The following SDAD1 variants were observed in gnomAD, a reference collection of about 807,000 sequenced individuals.
SDAD1 encodes protein SDA1 homolog.
A neutral mutation model predicts 100.3 loss-of-function variants in SDAD1; 79 were observed. The observed-to-expected ratio is 0.79, with a 90% CI of 0.66 to 0.95. The LOEUF is 0.95. SDAD1 is among the 40% of genes least tolerant of loss of function. The pLI is 0.00. For synonymous variants in SDAD1, 267 were observed against 271.4 expected (o/e 0.98, Z 0.16); for missense variants, 790 against 810.9 (o/e 0.97, Z 0.31).
chr4:75,972,681 A>G (rs917434141), intron 8 of SDAD1, among the ~76,000 whole-genome samples: 1 of 150,232 alleles, frequency 6.7e-6, no homozygotes, highest in African/African-American at 2.4e-5. Context: ...TCTTATTTTA[A>G]TATTTTATGC....
rs755580971 is a variant in SDAD1 at position 75,990,699 on chromosome 4, C to T, written c.90+53G>A. Reference sequence around the variant, plus strand: ...CCCACTCCATGCTTTCCCGCACCGGCGTCTCAACCATCCACTATCCGGCCT... The same window carrying T: ...CCCACTCCATGCTTTCCCGCACCGGTGTCTCAACCATCCACTATCCGGCCT... On this transcript the variant is annotated intron_variant, in intron 1 of 21. Coordinates refer to ENST00000356260, the MANE Select transcript of SDAD1 (RefSeq NM_018115.4). 22 of 1,611,090 alleles carry T rather than the reference C, an allele frequency of 1.4e-5. No individual in the cohort carries two copies. In the East Asian group the frequency reaches 4.2e-4, roughly 31 times the overall value.
At chr4:75,966,643 G>A (rs10856871) in intron 12 of SDAD1, among the ~76,000 whole-genome samples, 121,747 of 152,176 alleles carry the variant, frequency 0.8, 51,304 homozygotes, top group East Asian at 0.94. Flanking sequence ...TGTGAGCAGT[G>A]AGATCAAATC....
At chr4:75,989,528 T>G (rs542031940) in intron 1 of SDAD1, among the ~76,000 whole-genome samples, 2 of 152,238 alleles carry the variant, frequency 1.3e-5, no homozygotes, top group Admixed American at 1.3e-4. Context: ...TATACTTAAG[T>G]GAATTAAAGA....
At chr4:75,961,639 T>C (rs1190858718) in intron 14 of SDAD1, among the ~76,000 whole-genome samples, 2 of 152,216 alleles carry the variant, frequency 1.3e-5, no homozygotes, top group African/African-American at 2.4e-5. Flanking sequence ...TCCTGCAATA[T>C]TTTCCAAGGA....
chr4:75,960,098 A>G lies in SDAD1; in HGVS notation c.1451T>C (p.Val484Ala). The G allele has an allele frequency of 6.2e-7, 1 of 1,610,250 alleles. No individual in the cohort carries two copies. Among genetic ancestry groups the G allele is most frequent in the Non-Finnish European group, 8.5e-7 (1 of 1,179,366 alleles). ...DYIPGAEVLEVEKEENAENDE... is the reference protein window; with the variant it reads ...DYIPGAEVLEAEKEENAENDE... ...ATTTTCAGCATTCTCTTCTTTCTCAACTTCCAGAACTTCTGCTCCTGGAAT... is the reference window on the plus strand; with the variant it reads ...ATTTTCAGCATTCTCTTCTTTCTCAGCTTCCAGAACTTCTGCTCCTGGAAT... Residue 484 changes from valine (V) to alanine (A), a missense_variant, in exon 17 of 22, where the codon GTT becomes GCT. Physicochemically the swap from Val to Ala is moderately conservative, Grantham distance 64. Transcript: ENST00000356260.
rs199503756 is a variant in SDAD1, at chr4:75,969,393, G to A, written c.890C>T (p.Ala297Val). 7.3e-5 allele frequency: 118 copies of A among 1,610,710 alleles called. No homozygotes were observed. In the African/African-American group the frequency reaches 1.1e-3, roughly 15 times the overall value. The stretch of plus-strand genomic sequence containing the variant: ...CTCAAGCTGCTTTAGTAGTTTTTCC[G>A]CAAAATCTGGCAAGGAGAGGATGAA... Reference protein sequence around the residue: ...IHLIHDPQDFAEKLLKQLECC... With the variant: ...IHLIHDPQDFVEKLLKQLECC... The change falls in exon 11 of 22, where the codon GCG (alanine) becomes GTG (valine). Residue 297 changes from alanine (A) to valine (V), a missense_variant. Transcript: ENST00000356260.
chr4:75,981,489 T>C lies in SDAD1; in HGVS notation c.196-19A>G. On this transcript the variant is annotated intron_variant, in intron 2 of 21. Transcript: ENST00000356260. ...GACTAATCTGTAACAAAGCAAAGGC[T>C]CTTCTGAAGTTGCTCTCTTTCTCTC... The C allele has an allele frequency of 6.2e-7, 1 of 1,613,504 alleles. No individual in the cohort carries two copies. Among genetic ancestry groups the C allele is most frequent in the Admixed American group, 1.7e-5 (1 of 60,024 alleles).
At chr4:75,968,780 C>T (rs2149318680) in intron 11 of SDAD1, among the ~76,000 whole-genome samples, 1 of 152,002 alleles carries the variant, frequency 6.6e-6, no homozygotes, top group East Asian at 1.9e-4. Flanking sequence ...GCCTATAATC[C>T]CAGCACTTTG....
intron 9 of SDAD1, 29 bp downstream of exon 9, chr4:75,971,328 C>T: frequency 6.8e-7 from 1 of 1,460,504 alleles, no homozygotes; most frequent in South Asian, 1.1e-5. Flanking sequence ...CTAATCACTC[C>T]TATCTCATTT....
chr4:75,990,068 T>C (rs1731149835), intron 1 of SDAD1, among the ~76,000 whole-genome samples: 1 of 152,226 alleles, frequency 6.6e-6, no homozygotes, highest in East Asian at 1.9e-4. Context: ...ACTTTCGTTT[T>C]GTCGGTACTT....
intron 3 of SDAD1, 51 bp downstream of exon 3, chr4:75,981,321 C>T (rs375051993): frequency 1.9e-5 from 28 of 1,512,864 alleles, no homozygotes; most frequent in South Asian, 6.8e-5. Flanking sequence ...TATATATGAA[C>T]GCAGCACACA....
intron 3 of SDAD1, among the ~76,000 whole-genome samples, chr4:75,979,835 T>A (rs1421014378): frequency 6.6e-6 from 1 of 151,624 alleles, no homozygotes; most frequent in Non-Finnish European, 1.5e-5. Flanking sequence ...TTTTTCCATT[T>A]AAAAAAAAAT....
intron 2 of SDAD1, 146 bp from the exon 3 acceptor site, chr4:75,981,616 C>T: frequency 7.4e-7 from 1 of 1,356,828 alleles, no homozygotes; most frequent in Non-Finnish European, 1.0e-6. Context: ...TTTCCTTCTA[C>T]ATGTTAATTT....
At position 75,964,192 on chromosome 4, in the gene SDAD1, A is replaced by G. The variant is rs1209199791; in HGVS notation, c.1124T>C (p.Met375Thr). Residue 375 changes from methionine to threonine, a missense_variant, in exon 14 of 22, where the codon ATG (methionine) becomes ACG (threonine). Transcript: ENST00000356260. ...VPPEIIQSLL[M>T]TVANNFVTDK... Reference sequence around the variant, plus strand: ...GGTAACAAAATTGTTTGCCACAGTCATAAGCAATGATTGAATAATCTGAAT... The same window carrying G: ...GGTAACAAAATTGTTTGCCACAGTCGTAAGCAATGATTGAATAATCTGAAT... 4.4e-6 allele frequency: 7 copies of G among 1,607,806 alleles called. No individual in the cohort carries two copies. In the South Asian group the frequency reaches 5.6e-5, roughly 13 times the overall value.
chr4:75,960,439 G>C (rs1381205241), intron 16 of SDAD1, among the ~76,000 whole-genome samples: 3 of 151,984 alleles, frequency 2.0e-5, no homozygotes, highest in African/African-American at 7.3e-5. Flanking sequence ...ACCACACCCA[G>C]CTAACAAAAT....
At chr4:75,984,822 T>A (rs1730791672) in intron 1 of SDAD1, among the ~76,000 whole-genome samples, 1 of 106,350 alleles carries the variant, frequency 9.4e-6, no homozygotes, top group African/African-American at 3.4e-5. Flanking sequence ...CTCTTTCTCA[T>A]CATCCCTACC....
intron 16 of SDAD1, 21 bp downstream of exon 16, chr4:75,961,007 A>T (rs779226995): frequency 6.2e-7 from 1 of 1,605,440 alleles, no homozygotes. Context: ...CTTTAGACCA[A>T]CATAAGTGTG....
chr4:75,990,330 G>A (rs978252838), intron 1 of SDAD1, among the ~76,000 whole-genome samples: 1 of 147,914 alleles, frequency 6.8e-6, no homozygotes, highest in Non-Finnish European at 1.5e-5. Flanking sequence ...TCTCAGAAAC[G>A]GACGTCAATC....
intron 14 of SDAD1, among the ~76,000 whole-genome samples, chr4:75,963,712 G>C (rs1729380963): frequency 6.6e-6 from 1 of 152,014 alleles, no homozygotes; most frequent in South Asian, 2.1e-4. Flanking sequence ...TCTTCCCCTT[G>C]TGCCTTCTGC....
Sources: allele counts gnomAD v4.1 joint callset (sites outside exome capture counted in the v4.1 genomes callset), GRCh38; gene constraint gnomAD v4.1.1; transcripts MANE v1.5; gene names NCBI Gene and HGNC (gene_info 2026-07-23, HGNC 2026-07-21).